Variants in CFAP54 observed in about 807,000 individuals in gnomAD.
CFAP54 encodes cilia- and flagella-associated protein 54.
CFAP54 carries 290 observed loss-of-function variants against 370.4 expected under a neutral mutation model. The observed-to-expected ratio is 0.78, with a 90% CI of 0.71 to 0.86. The LOEUF (loss-of-function observed/expected upper bound fraction) is 0.86. CFAP54 is among the 40% of genes least tolerant of loss of function. CFAP54 has a pLI of 0.00. For synonymous variants in CFAP54, 1,206 were observed against 1,236.5 expected, an observed-to-expected ratio of 0.98 and a Z score of 0.52; for missense variants, 3,399 against 3,528.7, an observed-to-expected ratio of 0.96 and a Z score of 0.93.
At chr12:96,727,003 T>C (rs1957849328) in intron 50 of CFAP54, among the ~76,000 whole-genome samples, 1 of 152,246 alleles carries the variant, frequency 6.6e-6, no homozygotes, top group Admixed American at 6.5e-5. Context: ...AGTTTCTTAA[T>C]CCTGAGTTCT....
At chr12:96,871,182 A>T (rs1236608058) in intron 67 of CFAP54, among the ~76,000 whole-genome samples, 1 of 152,242 alleles carries the variant, frequency 6.6e-6, no homozygotes, top group African/African-American at 2.4e-5. Context: ...AGAGAATCCA[A>T]TGGAAAGTTA....
intron 51 of CFAP54, among the ~76,000 whole-genome samples, chr12:96,740,699 C>T (rs1407530813): frequency 6.6e-6 from 1 of 152,172 alleles, no homozygotes; most frequent in Non-Finnish European, 1.5e-5. Flanking sequence ...AATAGAGACT[C>T]ATTTCTTACT....
chr12:96,669,841 G>A (rs1023430282), intron 39 of CFAP54, among the ~76,000 whole-genome samples: 1 of 152,198 alleles, frequency 6.6e-6, no homozygotes, highest in Non-Finnish European at 1.5e-5. Context: ...CAATGTATTG[G>A]TGGTGGTTGA....
intron 50 of CFAP54, among the ~76,000 whole-genome samples, chr12:96,730,038 C>T (rs941372486): frequency 6.6e-6 from 1 of 152,142 alleles, no homozygotes; most frequent in African/African-American, 2.4e-5. Flanking sequence ...CTCTTTTTCT[C>T]TAATACAGAA....
At chr12:96,807,039 G>A (rs1210254728) in intron 63 of CFAP54, among the ~76,000 whole-genome samples, 1 of 152,160 alleles carries the variant, frequency 6.6e-6, no homozygotes, top group African/African-American at 2.4e-5. Context: ...TGCTACTAAT[G>A]CAGCTTACAG....
At chr12:96,846,204 G>GT (rs1023261857) in intron 66 of CFAP54, among the ~76,000 whole-genome samples, 3 of 152,196 alleles carry the variant, frequency 2.0e-5, no homozygotes, top group African/African-American at 4.8e-5. Context: ...TAGACATTTA[G>GT]TTTTTTAACA....
chr12:96,643,176 A>G (rs1157036547), intron 32 of CFAP54, among the ~76,000 whole-genome samples: 3 of 152,226 alleles, frequency 2.0e-5, no homozygotes, highest in Non-Finnish European at 4.4e-5. Context: ...AAACCAAATA[A>G]CATCACTAAA....
At chr12:96,591,871 A>G (rs1956128208) in intron 23 of CFAP54, among the ~76,000 whole-genome samples, 1 of 150,540 alleles carries the variant, frequency 6.6e-6, no homozygotes, top group Admixed American at 6.6e-5. Context: ...AGCCTGGGCG[A>G]CAGAGCGAAA....
intron 39 of CFAP54, 95 bp from the exon 40 acceptor site, chr12:96,679,505 G>T: frequency 7.4e-7 from 1 of 1,357,326 alleles, no homozygotes. Context: ...CTTTAGGTTG[G>T]GACCAAGAAA....
intron 55 of CFAP54, among the ~76,000 whole-genome samples, chr12:96,751,007 G>A (rs990854215): frequency 6.6e-6 from 1 of 152,016 alleles, no homozygotes; most frequent in African/African-American, 2.4e-5. Context: ...TCACACAAAT[G>A]GACTACTTAA....
intron 65 of CFAP54, among the ~76,000 whole-genome samples, chr12:96,819,295 G>A (rs753953725): frequency 1.5e-4 from 23 of 152,260 alleles, no homozygotes; most frequent in African/African-American, 4.8e-4. Context: ...TCACTGTGGC[G>A]GGAGGGAAAG....
intron 45 of CFAP54, among the ~76,000 whole-genome samples, chr12:96,694,293 A>G (rs1957417700): frequency 6.6e-6 from 1 of 152,206 alleles, no homozygotes; most frequent in Non-Finnish European, 1.5e-5. Context: ...TTCATGTGTG[A>G]TTGATTGGCT....
Position 96,533,899 on chromosome 12 carries a change from A to T in CFAP54, c.1465A>T (p.Ile489Leu). 6.5e-7 allele frequency: 1 copy of T among 1,535,302 alleles called. No individual in the cohort carries two copies. Among genetic ancestry groups the T allele is most frequent in the Non-Finnish European group, 8.7e-7 (1 of 1,146,388 alleles). ...TTCTGTGGATGCTGCTGTGAAATTT[A>T]TAAAATTAGCTTTTACCTATGAGGA... ...VISVDAAVKF[I>L]KLAFTYEEWS... The change falls in exon 10 of 68, where the codon ATA (isoleucine) becomes TTA (leucine). Residue 489 changes from isoleucine (I) to leucine (L), a missense_variant. Transcript: ENST00000524981.
Position 96,651,647 on chromosome 12 carries a change from G to T in CFAP54, c.4932G>T (p.Trp1644Cys), listed in dbSNP as rs1239689852. The part of the protein sequence containing the change: ...TLLQNCCRAL[W>C]NFTQELQILL... ...TTCAGAACTGCTGTCGGGCCTTATGGAACTTTACTCAGGAACTACAAATAC... is the reference window on the plus strand; with the variant it reads ...TTCAGAACTGCTGTCGGGCCTTATGTAACTTTACTCAGGAACTACAAATAC... Residue 1644 changes from tryptophan (W) to cysteine (C), a missense_variant, in exon 36 of 68, where the codon TGG (tryptophan) becomes TGT (cysteine). By Grantham distance (215) the Trp-to-Cys change is radical. Around this residue, in one of 3 missense-constraint regions of CFAP54, gnomAD observed 2,796 missense variants for 2,869.7 expected, o/e 0.97. Coordinates refer to ENST00000524981, the MANE Select transcript of CFAP54 (RefSeq NM_001306084.2). The T allele has an allele frequency of 6.2e-7, 1 of 1,614,026 alleles. No individual in the cohort carries two copies. The highest frequency in any genetic ancestry group is 1.3e-5 in the African/African-American group (1 of 74,918).
intron 5 of CFAP54, among the ~76,000 whole-genome samples, chr12:96,515,912 GTTTTTTTT>G (rs71437221): frequency 1.8e-5 from 2 of 108,270 alleles, no homozygotes. Flanking sequence ...TTACCTCTAT[GTTTTTTTT>G]TTTTTTTTTT....
chr12:96,608,932 A>G (rs1956328132), intron 26 of CFAP54, among the ~76,000 whole-genome samples: 1 of 152,250 alleles, frequency 6.6e-6, no homozygotes, highest in Non-Finnish European at 1.5e-5. Context: ...AATTAAGTAT[A>G]TTGATCACTT....
chr12:96,566,760 C>T (rs543811340), intron 19 of CFAP54, among the ~76,000 whole-genome samples: 1 of 152,268 alleles, frequency 6.6e-6, no homozygotes, highest in Admixed American at 6.5e-5. Context: ...TCAATCTATT[C>T]ATCCATCTAA....
rs575375657 is a variant in CFAP54, at chr12:96,667,552, C to G, written c.5563+3620C>G. Among the ~76,000 whole-genome samples, 6 of 152,328 alleles carry G rather than the reference C, an allele frequency of 3.9e-5. 1 individual carries two copies. The highest frequency in any genetic ancestry group is 8.8e-5 in the Non-Finnish European group (6 of 68,040). The stretch of plus-strand genomic sequence containing the variant: ...GCCATGGCCCGAGCTGTACCTTAAC[C>G]CCTTCTAGCTATGGCTGGAGCAGCT... On this transcript the variant is annotated intron_variant, in intron 39 of 67. Transcript: ENST00000524981.
At chr12:96,831,207 C>G (rs1959170111) in intron 66 of CFAP54, among the ~76,000 whole-genome samples, 1 of 152,274 alleles carries the variant, frequency 6.6e-6, no homozygotes, top group African/African-American at 2.4e-5. Flanking sequence ...GAAGAGCTAG[C>G]TGTGAACCAG....
Sources: allele counts gnomAD v4.1 joint callset (sites outside exome capture counted in the v4.1 genomes callset), GRCh38; gene constraint gnomAD v4.1.1; regional missense constraint gnomAD v4.1.1; transcripts MANE v1.5; gene names NCBI Gene and HGNC (gene_info 2026-07-23, HGNC 2026-07-21).